The following MB21D2 variants were observed in gnomAD, a reference collection of about 807,000 sequenced individuals.
MB21D2 encodes the protein nucleotidyltransferase MB21D2.
MB21D2 carries 9 observed loss-of-function variants against 33.3 expected under a neutral mutation model. That is an observed-to-expected ratio of 0.27 (90% CI 0.16 to 0.47). The LOEUF (loss-of-function observed/expected upper bound fraction) is 0.47. MB21D2 is among the 20% of genes least tolerant of loss of function. The pLI is 0.99. For missense variants in MB21D2, 540 were observed against 624.6 expected, an observed-to-expected ratio of 0.86 and a Z score of 1.44; for synonymous variants, 241 against 236.3, an observed-to-expected ratio of 1.02 and a Z score of -0.18.
chr3:192,887,163 A>G (rs994040573), intron 1 of MB21D2, among the ~76,000 whole-genome samples: 2 of 152,050 alleles, frequency 1.3e-5, no homozygotes, highest in Admixed American at 6.5e-5. Flanking sequence ...TTTACTTTTT[A>G]AGAGACAAAG....
At chr3:192,884,763 C>T (rs1308114476) in intron 1 of MB21D2, among the ~76,000 whole-genome samples, 2 of 152,028 alleles carry the variant, frequency 1.3e-5, no homozygotes, top group Non-Finnish European at 2.9e-5. Flanking sequence ...CACATGTGTA[C>T]AACTGTCCCC....
chr3:192,865,038 A>G (rs1713141100), intron 1 of MB21D2, among the ~76,000 whole-genome samples: 1 of 152,178 alleles, frequency 6.6e-6, no homozygotes, highest in South Asian at 2.1e-4. Context: ...TAATTCATTC[A>G]TTTCTCCTCA....
At chr3:192,840,158 A>C (rs1240334283) in intron 1 of MB21D2, among the ~76,000 whole-genome samples, 2 of 152,202 alleles carry the variant, frequency 1.3e-5, no homozygotes, top group African/African-American at 4.8e-5. Context: ...TGTCCCCTGC[A>C]GATATAAAAG....
chr3:192,824,113 G>A (rs186325955), intron 1 of MB21D2, among the ~76,000 whole-genome samples: 1 of 152,258 alleles, frequency 6.6e-6, no homozygotes, highest in East Asian at 1.9e-4. Flanking sequence ...GAAGAATTTA[G>A]GACCTCACCC....
chr3:192,885,532 C>T (rs934765517), intron 1 of MB21D2, among the ~76,000 whole-genome samples: 2 of 152,058 alleles, frequency 1.3e-5, no homozygotes, highest in South Asian at 2.1e-4. Flanking sequence ...AGTTTTCCTA[C>T]AGCCTACGGG....
intron 1 of MB21D2, among the ~76,000 whole-genome samples, chr3:192,818,902 T>C (rs2108615381): frequency 6.6e-6 from 1 of 152,304 alleles, no homozygotes; most frequent in Admixed American, 6.5e-5. Flanking sequence ...AATAAATGAA[T>C]GATGACAAGG....
intron 1 of MB21D2, among the ~76,000 whole-genome samples, chr3:192,806,630 C>T (rs545362034): frequency 7.9e-5 from 12 of 152,110 alleles, no homozygotes; most frequent in Non-Finnish European, 1.5e-4. Context: ...AGAAGGCACC[C>T]GCTTTTTATG....
chr3:192,830,231 AGTGTGTGTGAGTGTGTGTGTGTGTGT>A (rs1409652576), intron 1 of MB21D2, among the ~76,000 whole-genome samples: 1 of 100,030 alleles, frequency 1.0e-5, no homozygotes, highest in African/African-American at 5.5e-5. Context: ...TTCAAAGATG[AGTGTGTGTGAGTGTGTGTGTGTGTGT>A]GTGTGTGTGT....
chr3:192,809,998 G>A (rs1359943453), intron 1 of MB21D2, among the ~76,000 whole-genome samples: 1 of 152,180 alleles, frequency 6.6e-6, no homozygotes, highest in Admixed American at 6.5e-5. Context: ...TTAATTTGAA[G>A]GTCATATCCC....
In MB21D2 at chr3:192,917,665, A is replaced by C; in HGVS notation, c.176T>G (p.Ile59Ser). The C allele has an allele frequency of 1.2e-6, 2 of 1,614,120 alleles. No individual in the cohort carries two copies. Among genetic ancestry groups the C allele is most frequent in the Non-Finnish European group, 1.7e-6 (2 of 1,180,014 alleles). The change falls in exon 1 of 2, where the codon ATT becomes AGT. Residue 59 changes from isoleucine to serine, a missense_variant. Ile to Ser is a moderately radical substitution (Grantham distance 142). Coordinates refer to ENST00000392452, the MANE Select transcript of MB21D2 (RefSeq NM_178496.4). The part of the protein sequence containing the change: ...REYDDQRALE[I>S]HTAKDFIFSM... ...AAAGATGAAATCCTTGGCTGTGTGA[A>C]TCTCCAGCGCTCTCTGGTCGTCGTA...
At chr3:192,825,134 T>A (rs1416812079) in intron 1 of MB21D2, among the ~76,000 whole-genome samples, 1 of 152,206 alleles carries the variant, frequency 6.6e-6, no homozygotes, top group African/African-American at 2.4e-5. Context: ...CTGGTGATAT[T>A]CAGGCCACTT....
rs767739364 is a variant in MB21D2, at chr3:192,798,480, A to G, written c.1382T>C (p.Leu461Pro). 9 of 1,614,078 alleles carry G rather than the reference A, an allele frequency of 5.6e-6. No homozygotes were observed. The part of the protein sequence containing the change: ...DDRLAKKLQQ[L>P]VTENPGKSIS... ...TGACTTTCCCGGGTTCTCAGTCACTAGCTGCTGCAGTTTTTTTGCCAAACG... is the reference window on the plus strand; with the variant it reads ...TGACTTTCCCGGGTTCTCAGTCACTGGCTGCTGCAGTTTTTTTGCCAAACG... The change falls in exon 2 of 2, where the codon CTA becomes CCA. Residue 461 changes from leucine (L) to proline (P), a missense_variant. By Grantham distance (98) the Leu-to-Pro change is moderately conservative. Transcript: ENST00000392452. This position sits in a 1 kb window ranked among gnomAD's most constrained non-coding sequence, Gnocchi z 4.8.
intron 1 of MB21D2, among the ~76,000 whole-genome samples, chr3:192,836,232 A>G (rs894613908): frequency 1.3e-5 from 2 of 152,164 alleles, no homozygotes; most frequent in African/African-American, 2.4e-5. Context: ...AAAAGCAGAA[A>G]ATGGACCAAA....
chr3:192,805,461 T>A (rs910495631), intron 1 of MB21D2, among the ~76,000 whole-genome samples: 2 of 152,238 alleles, frequency 1.3e-5, no homozygotes, highest in African/African-American at 4.8e-5. Flanking sequence ...CAACTGCATA[T>A]AATTTTATTT....
intron 1 of MB21D2, among the ~76,000 whole-genome samples, chr3:192,842,244 A>G (rs1247487809): frequency 6.6e-6 from 1 of 152,254 alleles, no homozygotes; most frequent in Non-Finnish European, 1.5e-5. Context: ...GTACGGCAGG[A>G]ACATGGTCTA....
At chr3:192,867,585 G>A (rs1359903022) in intron 1 of MB21D2, among the ~76,000 whole-genome samples, 1 of 152,120 alleles carries the variant, frequency 6.6e-6, no homozygotes, top group African/African-American at 2.4e-5. Context: ...ACTAACTGCT[G>A]CTCCTCTCAG....
intron 1 of MB21D2, among the ~76,000 whole-genome samples, chr3:192,858,232 T>C (rs908228346): frequency 6.6e-6 from 1 of 152,148 alleles, no homozygotes; most frequent in Admixed American, 6.5e-5. Flanking sequence ...AAGAGACACA[T>C]GGGACCTGAG....
At position 192,827,346 on chromosome 3, in the gene MB21D2, C is replaced by A. The variant is rs576823584; in HGVS notation, c.212-27696G>T. Among the ~76,000 whole-genome samples, 22 of 151,940 alleles carry A rather than the reference C, an allele frequency of 1.4e-4. No individual in the cohort carries two copies. The East Asian group carries it at 1.6e-3, about 11-fold the overall frequency. ...GTCGTTTATTGAAATTGACTCATGA[C>A]CACTGGTCTGCCCAGCTGGTATAAT... is the stretch of plus-strand genomic sequence containing the variant. On this transcript the variant is annotated intron_variant, in intron 1 of 1. Transcript: ENST00000392452.
intron 1 of MB21D2, among the ~76,000 whole-genome samples, chr3:192,860,601 A>G (rs1713021224): frequency 6.6e-6 from 1 of 152,250 alleles, no homozygotes; most frequent in African/African-American, 2.4e-5. Flanking sequence ...GTGTGGCTTC[A>G]GGATGCAAGC....
Sources: gnomAD v4.1 joint callset for allele counts (sites outside exome capture counted in the v4.1 genomes callset) on GRCh38, gnomAD v4.1.1 for gene constraint, Gnocchi (gnomAD v3.1) non-coding constraint, MANE v1.5 for transcripts, NCBI Gene and HGNC (gene_info 2026-07-23, HGNC 2026-07-21) for gene names.